The following NUGGC variants were observed in gnomAD, a reference collection of about 807,000 sequenced individuals.
The protein encoded by NUGGC is nuclear GTPase SLIP-GC.
NUGGC carries 58 observed loss-of-function variants against 92.6 expected under a neutral mutation model. The observed-to-expected ratio is 0.63, with a 90% CI of 0.51 to 0.78. The LOEUF is 0.78. Among genes scored for constraint, NUGGC ranks in the 30% least tolerant of loss-of-function variants. The pLI is 0.00. For missense variants in NUGGC, 925 were observed against 964.6 expected (o/e 0.96, Z 0.54); for synonymous variants, 376 against 366.4 (o/e 1.03, Z -0.30).
chr8:28,023,499 G>C, intron 18 of NUGGC, 37 bp from the exon 19 acceptor site: 10 of 1,585,410 alleles, frequency 6.3e-6, no homozygotes, highest in Non-Finnish European at 8.6e-6. Flanking sequence ...AGGACTTGGT[G>C]TCCGTTGCAG....
intron 11 of NUGGC, among the ~76,000 whole-genome samples, chr8:28,046,978 G>C (rs1467349536): frequency 1.3e-5 from 2 of 149,554 alleles, no homozygotes; most frequent in Non-Finnish European, 3.0e-5. Flanking sequence ...TTTTTTTGTT[G>C]TTGTGTTTTG....
At position 28,023,318 on chromosome 8, in the gene NUGGC, T is replaced by C. The variant is rs1375325698; in HGVS notation, c.2390A>G (p.Ter797=). ...TCCATTGGGACTAAGCCCCAGGAGT[T>C]ACAGTGATGTCCCGGGGGGGCCAGC... The part of the protein sequence containing the change: ...SKAGPPGTSL[*] Residue 797 remains the stop codon, a stop_retained_variant, in exon 19 of 19, where the codon TAA becomes TGA. Transcript: ENST00000413272. The C allele has an allele frequency of 9.3e-6, 15 of 1,612,968 alleles. No individual in the cohort carries two copies. The highest frequency in any genetic ancestry group is 1.3e-5 in the Non-Finnish European group (15 of 1,179,466).
chr8:28,032,354 C>A (rs1585555791), intron 14 of NUGGC, among the ~76,000 whole-genome samples: 1 of 152,060 alleles, frequency 6.6e-6, no homozygotes. Flanking sequence ...GAAATGCCAG[C>A]GGGAAGGACA....
Position 28,045,644 on chromosome 8 carries a change from T to A in NUGGC, c.1329A>T (p.Arg443Ser). 6.2e-7 allele frequency: 1 copy of A among 1,611,528 alleles called. No homozygotes were observed. The highest frequency in any genetic ancestry group is 8.5e-7 in the Non-Finnish European group (1 of 1,179,308). The change falls in exon 12 of 19, where the codon AGA becomes AGT. Residue 443 changes from arginine to serine, a missense_variant. Arg to Ser is a moderately radical substitution (Grantham distance 110). Transcript: ENST00000413272. The part of the protein sequence containing the change: ...TEEETEIPKL[R>S]EYIRKSLLDK... Reference sequence around the variant, plus strand: ...CCAAGAGGCTCTTCCTGATGTATTCTCTTAACTTAGGGATTTCTGGAATTC... The same window carrying A: ...CCAAGAGGCTCTTCCTGATGTATTCACTTAACTTAGGGATTTCTGGAATTC...
intron 10 of NUGGC, among the ~76,000 whole-genome samples, chr8:28,048,483 G>T (rs183790175): frequency 1.3e-5 from 2 of 152,158 alleles, no homozygotes; most frequent in East Asian, 3.9e-4. Context: ...CAAGCGCAAC[G>T]CAACACAAAC....
chr8:28,076,964 T>A (rs559197055), intron 1 of NUGGC, among the ~76,000 whole-genome samples: 2 of 152,248 alleles, frequency 1.3e-5, no homozygotes, highest in African/African-American at 4.8e-5. Context: ...AAACCGTGAG[T>A]TTTCTGCCTC....
chr8:28,031,279 T>C lies in NUGGC; in HGVS notation c.1872A>G (p.Lys624=), dbSNP rs1563214404. The C allele has an allele frequency of 2.5e-6, 4 of 1,613,934 alleles. No homozygotes were observed. The highest frequency in any genetic ancestry group is 3.4e-6 in the Non-Finnish European group (4 of 1,179,884). Residue 624 remains lysine, a synonymous_variant, in exon 15 of 19, where the codon AAA becomes AAG. Transcript: ENST00000413272. ...GGAAATTTTTTTTGCAGCTATCATATTTCCAGCCACTTCTTATCCCAATTT... is the reference window on the plus strand; with the variant it reads ...GGAAATTTTTTTTGCAGCTATCATACTTCCAGCCACTTCTTATCCCAATTT... ...MTEIGIRSGW[K]YDSCKKNFLI...
At chr8:28,066,534 T>C (rs1408126595) in intron 6 of NUGGC, among the ~76,000 whole-genome samples, 2 of 152,140 alleles carry the variant, frequency 1.3e-5, no homozygotes, top group African/African-American at 4.8e-5. Context: ...CTTTAGGACA[T>C]GTATAAAAAT....
intron 17 of NUGGC, 65 bp downstream of exon 17, chr8:28,029,201 A>C: frequency 6.5e-7 from 1 of 1,531,868 alleles, no homozygotes; most frequent in Non-Finnish European, 8.9e-7. Flanking sequence ...CACCTTCTGC[A>C]CTCGCTTCCT....
chr8:28,026,494 C>A (rs191179248), intron 18 of NUGGC, among the ~76,000 whole-genome samples: 126 of 152,274 alleles, frequency 8.3e-4, no homozygotes, highest in African/African-American at 3.0e-3. Context: ...ATCACCAGAC[C>A]ATGAAATTTT....
chr8:28,064,935 T>TA (rs1399131375), intron 6 of NUGGC, among the ~76,000 whole-genome samples: 1 of 152,190 alleles, frequency 6.6e-6, no homozygotes, highest in African/African-American at 2.4e-5. Context: ...ATCCTTACCT[T>TA]ACAGATGAAA....
intron 8 of NUGGC, among the ~76,000 whole-genome samples, chr8:28,059,573 A>G (rs1810239872): frequency 6.6e-6 from 1 of 152,150 alleles, no homozygotes; most frequent in South Asian, 2.1e-4. Context: ...CTTGATACCT[A>G]GGTGATGGGT....
intron 9 of NUGGC, among the ~76,000 whole-genome samples, chr8:28,057,515 C>T (rs1247211663): frequency 6.6e-6 from 1 of 151,460 alleles, no homozygotes; most frequent in African/African-American, 2.4e-5. Context: ...CTAATTTTTG[C>T]GTTTTTAGTA....
At position 28,023,331 on chromosome 8, in the gene NUGGC, CG is replaced by C. The variant is rs771905699; in HGVS notation, c.2376del (p.Thr794HisfsTer159). On this transcript the variant is annotated frameshift_variant, in exon 19 of 19. Coordinates refer to ENST00000413272, the MANE Select transcript of NUGGC (RefSeq NM_001010906.2). LOFTEE classifies it high-confidence loss of function. ...AGCCCCAGGAGTTACAGTGATGTCC[CG>C]GGGGGGCCAGCCTTGCTGGGGGATG... is the stretch of plus-strand genomic sequence containing the variant. ...LRASPSKAGP[P>X]GTSL 3 of 1,611,880 alleles carry C rather than the reference CG, an allele frequency of 1.9e-6. No individual in the cohort carries two copies. The highest frequency in any genetic ancestry group is 2.2e-5 in the South Asian group (2 of 90,798).
At chr8:28,048,373 T>C (rs1245052926) in intron 10 of NUGGC, among the ~76,000 whole-genome samples, 1 of 152,202 alleles carries the variant, frequency 6.6e-6, no homozygotes, top group Non-Finnish European at 1.5e-5. Context: ...ACCACAGGAA[T>C]TGGCAAATGG....
intron 13 of NUGGC, among the ~76,000 whole-genome samples, chr8:28,040,654 G>GTT (rs1283170099): frequency 2.8e-5 from 4 of 143,814 alleles, no homozygotes; most frequent in African/African-American, 7.7e-5. Flanking sequence ...TTTTGTTCTT[G>GTT]TTTTTTTTTT....
At chr8:28,059,467 G>A (rs142212186) in intron 8 of NUGGC, among the ~76,000 whole-genome samples, 94 of 152,210 alleles carry the variant, frequency 6.2e-4, no homozygotes, top group African/African-American at 2.3e-3. Context: ...ACAACTCTTA[G>A]AGAATGCATC....
chr8:28,051,210 T>A (rs1273270720), intron 10 of NUGGC, among the ~76,000 whole-genome samples: 1 of 152,098 alleles, frequency 6.6e-6, no homozygotes, highest in Non-Finnish European at 1.5e-5. Context: ...CAGGGAAAAA[T>A]AAAGTGAACC....
At chr8:28,049,020 A>G (rs1266294483) in intron 10 of NUGGC, among the ~76,000 whole-genome samples, 2 of 152,154 alleles carry the variant, frequency 1.3e-5, no homozygotes, top group African/African-American at 4.8e-5. Flanking sequence ...AGAGAAAAAC[A>G]TTCACCTATA....
Sources: gnomAD v4.1 joint callset for allele counts (sites outside exome capture counted in the v4.1 genomes callset) on GRCh38, gnomAD v4.1.1 for gene constraint, MANE v1.5 for transcripts, NCBI Gene and HGNC (gene_info 2026-07-23, HGNC 2026-07-21) for gene names.